Variants in CMTM4 observed in about 807,000 individuals in gnomAD.
The protein encoded by CMTM4 is CKLF like MARVEL transmembrane domain containing 4.
A neutral mutation model predicts 19.0 loss-of-function variants in CMTM4; 8 were observed. That is an observed-to-expected ratio of 0.42 (90% CI 0.25 to 0.76). The LOEUF (loss-of-function observed/expected upper bound fraction) is 0.76, where lower values mean the gene tolerates loss of function less well. Among genes scored for constraint, CMTM4 ranks in the 30% least tolerant of loss-of-function variants. The pLI is 0.27. For synonymous variants in CMTM4, 106 were observed against 121.1 expected, an observed-to-expected ratio of 0.88 and a Z score of 0.82; for missense variants, 228 against 290.2, an observed-to-expected ratio of 0.79 and a Z score of 1.56.
chr16:66,604,757 C>G, the CMTM4 span: 15 of 1,212,202 alleles, frequency 1.2e-5, no homozygotes, highest in Non-Finnish European at 1.5e-5. Context: ...CCTCCGGGCG[C>G]GAGAAGAGGG....
At chr16:66,634,365 G>C (rs1037413786) in intron 2 of CMTM4, among the ~76,000 whole-genome samples, 1 of 151,758 alleles carries the variant, frequency 6.6e-6, no homozygotes, top group East Asian at 1.9e-4. Flanking sequence ...GCTTGAACCC[G>C]GGAGGCGGAG....
At chr16:66,609,313 G>A in the CMTM4 span, 1 of 802,566 alleles carries the variant, frequency 1.2e-6, no homozygotes, top group Non-Finnish European at 2.0e-6. This position sits in a 1 kb window ranked among gnomAD's most constrained non-coding sequence, Gnocchi z 4.4. Flanking sequence ...GGTGGGGCCA[G>A]GATGGGATAG....
chr16:66,682,599 T>G (rs183687942), intron 1 of CMTM4, among the ~76,000 whole-genome samples: 112 of 152,308 alleles, frequency 7.4e-4, no homozygotes, highest in Non-Finnish European at 1.2e-3. Flanking sequence ...ACTTAACCAT[T>G]CATTTGAAAT....
chr16:66,683,352 C>A (rs1297513305), intron 1 of CMTM4, among the ~76,000 whole-genome samples: 2 of 119,878 alleles, frequency 1.7e-5, no homozygotes, highest in Non-Finnish European at 1.6e-5. Context: ...AGTGCAGTGG[C>A]GTGATCTCGG....
At chr16:66,647,869 G>A (rs2016234974) in intron 1 of CMTM4, among the ~76,000 whole-genome samples, 1 of 152,178 alleles carries the variant, frequency 6.6e-6, no homozygotes, top group Non-Finnish European at 1.5e-5. Flanking sequence ...AGACATCTGT[G>A]TGAGAGAAGT....
Position 66,621,157 on chromosome 16 carries a change from C to T in CMTM4, c.*901G>A. The T allele has an allele frequency of 1.0e-6, 1 of 985,724 alleles. No homozygotes were observed. The highest frequency in any genetic ancestry group is 1.2e-6 in the Non-Finnish European group (1 of 829,930). 61.1% of individuals were successfully genotyped at this position (985,724 alleles called of 1,614,324 possible). A position where few individuals can be genotyped will look rare whatever the true frequency, so the allele number is the denominator to read the frequency against. ...CCTAAAATAGAGGGGTGTGTGTGTGCATGTGTGCGCGCACGCGTGTGCATG... is the reference window on the plus strand; with the variant it reads ...CCTAAAATAGAGGGGTGTGTGTGTGTATGTGTGCGCGCACGCGTGTGCATG... On this transcript the variant is annotated 3_prime_UTR_variant, in exon 4 of 4. Transcript: ENST00000394106.
In CMTM4 at chr16:66,619,965, A is replaced by G. The variant is rs2015598282; in HGVS notation, c.*2093T>C. 5.1e-6 allele frequency: 5 copies of G among 985,296 alleles called. No homozygotes were observed. The highest frequency in any genetic ancestry group is 4.7e-5 in the South Asian group (1 of 21,292). 61.0% of individuals were successfully genotyped at this position (985,296 alleles called of 1,614,324 possible). A position where few individuals can be genotyped will look rare whatever the true frequency, so the allele number is the denominator to read the frequency against. ...AGAACTATTTCTTGCAGCTGACAAC[A>G]TATCCTCAGGAGGCCAACCACCTGC... On this transcript the variant is annotated 3_prime_UTR_variant, in exon 4 of 4. Transcript: ENST00000394106.
At chr16:66,690,087 C>T (rs2017107962) in intron 1 of CMTM4, among the ~76,000 whole-genome samples, 2 of 152,174 alleles carry the variant, frequency 1.3e-5, no homozygotes. Flanking sequence ...ATCAGGAAGA[C>T]AACTCCTAAA....
chr16:66,633,182 C>T (rs2015917613), intron 2 of CMTM4, among the ~76,000 whole-genome samples: 1 of 146,940 alleles, frequency 6.8e-6, no homozygotes, highest in African/African-American at 2.6e-5. Flanking sequence ...TAAACCCAAA[C>T]CAAAAACTTG....
intron 1 of CMTM4, among the ~76,000 whole-genome samples, chr16:66,661,273 G>A (rs928811948): frequency 5.3e-5 from 8 of 152,200 alleles, no homozygotes; most frequent in African/African-American, 1.9e-4. Flanking sequence ...TGCTGCGGAT[G>A]GACTGTAACC....
At position 66,617,299 on chromosome 16, in the gene CMTM4, A is replaced by G. The variant is rs2015543904; in HGVS notation, c.*4759T>C. The G allele has an allele frequency of 6.2e-7, 1 of 1,614,052 alleles. No individual in the cohort carries two copies. Among genetic ancestry groups the G allele is most frequent in the Non-Finnish European group, 8.5e-7 (1 of 1,180,018 alleles). ...TTTCTAGGCAAGTTGCCAGTGATTCAAACTCAGCAGGTTTGTGGGTGATTT... is the reference window on the plus strand; with the variant it reads ...TTTCTAGGCAAGTTGCCAGTGATTCGAACTCAGCAGGTTTGTGGGTGATTT... On this transcript the variant is annotated 3_prime_UTR_variant, in exon 4 of 4. Transcript: ENST00000394106.
intron 1 of CMTM4, among the ~76,000 whole-genome samples, chr16:66,675,394 A>T (rs1443305280): frequency 6.6e-6 from 1 of 151,466 alleles, no homozygotes; most frequent in Non-Finnish European, 1.5e-5. Flanking sequence ...CCAGAATTTT[A>T]ACAAAAATTT....
intron 1 of CMTM4, among the ~76,000 whole-genome samples, chr16:66,674,589 G>A (rs1313579889): frequency 1.3e-5 from 2 of 152,116 alleles, no homozygotes; most frequent in Non-Finnish European, 2.9e-5. Flanking sequence ...TTAGGTTCAA[G>A]TGGAATTTCA....
chr16:66,640,981 A>T (rs1166833093), intron 1 of CMTM4, among the ~76,000 whole-genome samples: 1 of 152,196 alleles, frequency 6.6e-6, no homozygotes, highest in Non-Finnish European at 1.5e-5. Flanking sequence ...CTCCTGAGAG[A>T]ACCAGAGCAA....
At chr16:66,676,657 T>C (rs1360433615) in intron 1 of CMTM4, among the ~76,000 whole-genome samples, 2 of 152,204 alleles carry the variant, frequency 1.3e-5, no homozygotes, top group Non-Finnish European at 2.9e-5. Context: ...TATCATGTAT[T>C]CACCTTCAAC....
chr16:66,659,902 A>G (rs2016470778), intron 1 of CMTM4, among the ~76,000 whole-genome samples: 2 of 152,202 alleles, frequency 1.3e-5, no homozygotes, highest in Non-Finnish European at 2.9e-5. Context: ...TTCCATAATA[A>G]AAATTTAAAT....
chr16:66,603,032 G>A, the CMTM4 span, among the ~76,000 whole-genome samples: 1 of 152,222 alleles, frequency 6.6e-6, no homozygotes, highest in Non-Finnish European at 1.5e-5. Context: ...AGAGATAGGA[G>A]AAAGGGTTAA....
the CMTM4 span, chr16:66,604,711 C>T: frequency 3.0e-6 from 3 of 1,004,246 alleles, no homozygotes; most frequent in Non-Finnish European, 3.8e-6. Flanking sequence ...GCCAGTGTCG[C>T]CTGCCCTCCT....
intron 1 of CMTM4, among the ~76,000 whole-genome samples, chr16:66,650,422 T>TA (rs573556129): frequency 1.1e-3 from 172 of 152,362 alleles, no homozygotes; most frequent in Admixed American, 3.7e-3. Context: ...GTTGTGCTTT[T>TA]AAAAAATTCT....
Sources: allele counts gnomAD v4.1 joint callset (sites outside exome capture counted in the v4.1 genomes callset), GRCh38; gene constraint gnomAD v4.1.1; non-coding constraint Gnocchi (gnomAD v3.1); transcripts MANE v1.5; gene names NCBI Gene and HGNC (gene_info 2026-07-23, HGNC 2026-07-21).